Variants in NPIPB6 observed in about 807,000 individuals in gnomAD.
The protein encoded by NPIPB6 is nuclear pore complex interacting protein family member B6, also known as nuclear pore complex-interacting protein family member B6.
In NPIPB6, 2 loss-of-function variants were observed where a neutral mutation model predicts 20.0. The observed-to-expected ratio is 0.10, with a 90% CI of 0.04 to 0.31. The LOEUF (loss-of-function observed/expected upper bound fraction) is 0.31. Among genes scored for constraint, NPIPB6 ranks in the 10% least tolerant of loss-of-function variants. NPIPB6 has a pLI of 1.00. For synonymous variants in NPIPB6, 35 were observed against 116.3 expected, an observed-to-expected ratio of 0.30 and a Z score of 4.50; for missense variants, 96 against 293.7, an observed-to-expected ratio of 0.33 and a Z score of 4.92.
At chr16:28,360,385 G>C (rs907445497) in intron 1 of NPIPB6, among the ~76,000 whole-genome samples, 1 of 132,606 alleles carries the variant, frequency 7.5e-6, no homozygotes, top group African/African-American at 2.6e-5. Context: ...CTGACTCAAT[G>C]TCACTCAATT....
At chr16:28,349,594 C>CAT (rs1401388512) in intron 2 of NPIPB6, among the ~76,000 whole-genome samples, 9 of 78,750 alleles carry the variant, frequency 1.1e-4, no homozygotes, top group African/African-American at 4.2e-4. Flanking sequence ...CACACACACA[C>CAT]AAGAATGACA....
Position 28,349,889 on chromosome 16 carries a change from CAAAAA to C in NPIPB6, c.304-653_304-649del, listed in dbSNP as rs1178858068. Among the ~76,000 whole-genome samples, 40 of 16,866 alleles carry C rather than the reference CAAAAA, an allele frequency of 2.4e-3. 2 individuals are homozygous for C. Among genetic ancestry groups the C allele is most frequent in the Non-Finnish European group, 4.5e-3 (33 of 7,394 alleles). The allele number at this position is 16,866 out of a possible 152,430, so 11.1% of individuals were successfully genotyped here. ...GGGCAACAAAATTGAAACTCTGTCTCAAAAAAAAAAAAAAAAAAAAAAAAAGAGCC... is the reference window on the plus strand; with the variant it reads ...GGGCAACAAAATTGAAACTCTGTCTCAAAAAAAAAAAAAAAAAAAAGAGCC... On this transcript the variant is annotated intron_variant, in intron 2 of 6. Transcript: ENST00000532254.
intron 2 of NPIPB6, among the ~76,000 whole-genome samples, chr16:28,349,928 G>A (rs868840647): frequency 2.8e-5 from 3 of 106,300 alleles, no homozygotes; most frequent in South Asian, 5.5e-4. Context: ...CCCAGGTGCG[G>A]TAGCTCACGC....
intron 1 of NPIPB6, among the ~76,000 whole-genome samples, chr16:28,361,772 G>A (rs1394770267): frequency 7.1e-5 from 9 of 126,920 alleles, no homozygotes; most frequent in African/African-American, 2.1e-4. Flanking sequence ...GTGTGTGTAT[G>A]TGTGTGTGTG....
chr16:28,348,120 A>T (rs1444170602), intron 4 of NPIPB6, among the ~76,000 whole-genome samples: 4 of 113,392 alleles, frequency 3.5e-5, no homozygotes, highest in Non-Finnish European at 7.9e-5. Flanking sequence ...AAAAAAAAAA[A>T]AAAAAAATTG....
rs1349920338 is a variant in NPIPB6, at chr16:28,355,764, T to A, written c.121-2703A>T. 1.2e-4 allele frequency among the ~76,000 whole-genome samples: 15 copies of A among 125,424 alleles called. 1 individual carries two copies. Among genetic ancestry groups the A allele is most frequent in the African/African-American group, 2.6e-4 (9 of 35,168 alleles). 82.3% of individuals were successfully genotyped at this position (125,424 alleles called of 152,430 possible). ...CAAGGGAGAAACTGTCTCAAAAAAA[T>A]AAATAAATAAATAAAATAATGTAGA... On this transcript the variant is annotated intron_variant, in intron 1 of 6. Coordinates refer to ENST00000532254, the Ensembl canonical transcript of NPIPB6.
chr16:28,344,909 C>CCGGTCA (rs1217551568), intron 4 of NPIPB6, among the ~76,000 whole-genome samples, 156 bp from the exon 6 acceptor site: 1 of 41,956 alleles, frequency 2.4e-5, no homozygotes, highest in Non-Finnish European at 6.1e-5. Context: ...ACAGTCTGAG[C>CCGGTCA]CGGTCACGGT....
At chr16:28,360,652 C>T (rs2045410633) in intron 1 of NPIPB6, among the ~76,000 whole-genome samples, 1 of 140,422 alleles carries the variant, frequency 7.1e-6, no homozygotes. Flanking sequence ...ATTTCAGGTT[C>T]TCTCTTGGGC....
At chr16:28,355,775 A>G (rs2045304874) in intron 1 of NPIPB6, among the ~76,000 whole-genome samples, 1 of 127,436 alleles carries the variant, frequency 7.8e-6, no homozygotes, top group Non-Finnish European at 1.8e-5. Context: ...AAATAAATAA[A>G]TAAAATAATG....
chr16:28,361,766 G>GTGTA (rs1263423928), intron 1 of NPIPB6, among the ~76,000 whole-genome samples: 1 of 54,126 alleles, frequency 1.8e-5, no homozygotes, highest in African/African-American at 6.0e-5. Flanking sequence ...GTGTGTGTGT[G>GTGTA]TGTATGTGTG....
chr16:28,343,043 A>C (rs1276270924), exon 7 of NPIPB6: 1 of 1,452,918 alleles, frequency 6.9e-7, no homozygotes, highest in African/African-American at 1.4e-5. Context: ...AGGTGTCTTG[A>C]GGCTCAGGGA....
Position 28,362,694 on chromosome 16 carries a change from C to G in NPIPB6, c.120+9G>C. ...GGGCACCAGGCCCCATCTGTCTGCA[C>G]TCACTCACCTTCCTCAGGTACTCGC... On this transcript the variant is annotated intron_variant, in intron 1 of 6. Transcript: ENST00000532254. 6.5e-7 allele frequency: 1 copy of G among 1,542,996 alleles called. No homozygotes were observed. Among genetic ancestry groups the G allele is most frequent in the Non-Finnish European group, 8.7e-7 (1 of 1,152,184 alleles).
At chr16:28,353,504 A>C (rs1596575372) in intron 1 of NPIPB6, among the ~76,000 whole-genome samples, 1 of 52,160 alleles carries the variant, frequency 1.9e-5, no homozygotes, top group South Asian at 6.1e-4. Flanking sequence ...TGCAACCTCC[A>C]GCTCCTGGGC....
intron 1 of NPIPB6, among the ~76,000 whole-genome samples, chr16:28,362,195 C>T (rs2045458451): frequency 6.7e-6 from 1 of 149,144 alleles, no homozygotes; most frequent in Non-Finnish European, 1.5e-5. Context: ...CCTCCTGAAT[C>T]TAAGCAATTC....
intron 1 of NPIPB6, among the ~76,000 whole-genome samples, chr16:28,354,240 GC>G (rs1379888541): frequency 1.0e-5 from 1 of 98,556 alleles, no homozygotes; most frequent in African/African-American, 3.6e-5. Context: ...TGCAACCTCC[GC>G]CTCCCGGGTT....
chr16:28,359,098 A>G (rs1431388486), intron 1 of NPIPB6, among the ~76,000 whole-genome samples: 3 of 145,066 alleles, frequency 2.1e-5, no homozygotes, highest in Non-Finnish European at 4.5e-5. Flanking sequence ...AAAAGAAAAA[A>G]AAAAAAAAAA....
chr16:28,358,839 T>C (rs1412522864), intron 1 of NPIPB6, among the ~76,000 whole-genome samples: 1 of 150,376 alleles, frequency 6.6e-6, no homozygotes, highest in Admixed American at 6.6e-5. Context: ...ATCCCAGCAC[T>C]TTGGGAGGCT....
intron 2 of NPIPB6, among the ~76,000 whole-genome samples, chr16:28,349,556 C>CAA (rs1320826102): frequency 1.1e-5 from 1 of 90,886 alleles, no homozygotes; most frequent in African/African-American, 4.7e-5. Flanking sequence ...GTCACACACA[C>CAA]ACACACACAC....
intron 1 of NPIPB6, among the ~76,000 whole-genome samples, chr16:28,360,531 G>A (rs1400999885): frequency 7.5e-6 from 1 of 133,486 alleles, no homozygotes; most frequent in Non-Finnish European, 1.7e-5. Context: ...AATCTGCGGT[G>A]ACTTAGTCCT....
Sources: allele counts gnomAD v4.1 joint callset (sites outside exome capture counted in the v4.1 genomes callset), GRCh38; gene constraint gnomAD v4.1.1; transcripts MANE v1.5; gene names NCBI Gene and HGNC (gene_info 2026-07-23, HGNC 2026-07-21).